OSBPL1A: variants seen among roughly 807,000 people sequenced by gnomAD.
The protein encoded by OSBPL1A is oxysterol binding protein like 1A, also known as oxysterol-binding protein-related protein 1.
OSBPL1A carries 80 observed loss-of-function variants against 137.1 expected under a neutral mutation model. The ratio of observed to expected loss-of-function variants is 0.58; its 90% CI spans 0.49 to 0.70. The LOEUF (loss-of-function observed/expected upper bound fraction) is 0.70, where lower values mean the gene tolerates loss of function less well. Ranked by LOEUF, OSBPL1A falls within the 30% of genes least tolerant of loss-of-function variation. OSBPL1A has a pLI of 0.00. For missense variants in OSBPL1A, 970 were observed against 1,129.4 expected, an observed-to-expected ratio of 0.86 and a Z score of 2.02; for synonymous variants, 365 against 389.7, an observed-to-expected ratio of 0.94 and a Z score of 0.75.
At chr18:24,373,664 T>A (rs1412201282) in intron 2 of OSBPL1A, among the ~76,000 whole-genome samples, 1 of 152,224 alleles carries the variant, frequency 6.6e-6, no homozygotes, top group African/African-American at 2.4e-5. Flanking sequence ...TGTTGACTGT[T>A]AACCTTTAAT....
chr18:24,323,271 G>C (rs2090900477), intron 7 of OSBPL1A, among the ~76,000 whole-genome samples: 1 of 151,964 alleles, frequency 6.6e-6, no homozygotes, highest in Non-Finnish European at 1.5e-5. Flanking sequence ...TACAAAAAGA[G>C]ACTGGGCACC....
intron 7 of OSBPL1A, among the ~76,000 whole-genome samples, chr18:24,322,437 GATTT>G (rs1190128679): frequency 6.6e-6 from 1 of 151,864 alleles, no homozygotes; most frequent in Non-Finnish European, 1.5e-5. Flanking sequence ...GTGGCTTTAA[GATTT>G]ATTTTGGAGG....
chr18:24,318,708 T>C (rs1335736426), intron 8 of OSBPL1A, 40 bp downstream of exon 8: 1 of 1,592,266 alleles, frequency 6.3e-7, no homozygotes, highest in Non-Finnish European at 8.5e-7. Context: ...AAAATTTTTT[T>C]CTAAAAATTA....
chr18:24,380,633 C>T (rs1906509792), intron 1 of OSBPL1A, among the ~76,000 whole-genome samples: 1 of 152,218 alleles, frequency 6.6e-6, no homozygotes, highest in African/African-American at 2.4e-5. Context: ...TCGCACAAGG[C>T]CTCGCTCAGT....
intron 4 of OSBPL1A, among the ~76,000 whole-genome samples, chr18:24,362,650 T>C (rs1568054250): frequency 6.6e-6 from 1 of 152,224 alleles, no homozygotes; most frequent in African/African-American, 2.4e-5. Context: ...TGGACTATGG[T>C]CAACAACTAG....
intron 16 of OSBPL1A, among the ~76,000 whole-genome samples, chr18:24,227,591 T>G (rs9675474): frequency 6.6e-6 from 1 of 151,944 alleles, no homozygotes; most frequent in African/African-American, 2.4e-5. Context: ...TTTTCTGGAG[T>G]AGGCACAGGG....
chr18:24,261,311 T>C (rs1052255750), intron 15 of OSBPL1A, among the ~76,000 whole-genome samples: 1 of 152,178 alleles, frequency 6.6e-6, no homozygotes, highest in Non-Finnish European at 1.5e-5. Context: ...TTGGAAGGAA[T>C]AGAAGTATTC....
intron 4 of OSBPL1A, among the ~76,000 whole-genome samples, chr18:24,344,157 A>G (rs981806137): frequency 1.3e-5 from 2 of 152,240 alleles, no homozygotes; most frequent in Admixed American, 6.5e-5. Flanking sequence ...CATTTCTCCA[A>G]AGAAGATGTA....
chr18:24,355,848 G>T (rs1344426361), intron 4 of OSBPL1A, among the ~76,000 whole-genome samples: 1 of 152,008 alleles, frequency 6.6e-6, no homozygotes, highest in Non-Finnish European at 1.5e-5. Flanking sequence ...AGCCAGGCAT[G>T]GTGGCATGCG....
intron 15 of OSBPL1A, among the ~76,000 whole-genome samples, chr18:24,257,951 T>A (rs1418591608): frequency 6.6e-6 from 1 of 152,182 alleles, no homozygotes; most frequent in Non-Finnish European, 1.5e-5. Flanking sequence ...TAAAATGGCT[T>A]ATCTCCAAAA....
At chr18:24,226,381 C>G (rs1335426942) in intron 16 of OSBPL1A, among the ~76,000 whole-genome samples, 1 of 152,204 alleles carries the variant, frequency 6.6e-6, no homozygotes, top group Non-Finnish European at 1.5e-5. Flanking sequence ...ACAGCAGTCA[C>G]TCAGTCTCCA....
rs2089717151 is a variant in OSBPL1A at position 24,271,512 on chromosome 18, A to C, written c.1281+9330T>G. On this transcript the variant is annotated intron_variant, in intron 15 of 27. Transcript: ENST00000319481. This position sits in a 1 kb window ranked among gnomAD's most constrained non-coding sequence, Gnocchi z 4.0. ...CACACGTCCAACTATTCTTGGATCTACTCACATCCCTGGATCAAGTCTGGC... is the reference window on the plus strand; with the variant it reads ...CACACGTCCAACTATTCTTGGATCTCCTCACATCCCTGGATCAAGTCTGGC... 1 of 963,636 alleles carries C rather than the reference A, an allele frequency of 1.0e-6. No individual in the cohort carries two copies. Among genetic ancestry groups the C allele is most frequent in the Admixed American group, 6.2e-5 (1 of 16,212 alleles). The allele number at this position is 963,636 out of a possible 1,614,324, so 59.7% of individuals were successfully genotyped here.
At position 24,333,045 on chromosome 18, in the gene OSBPL1A, C is replaced by T. The variant is rs774865911; in HGVS notation, c.522G>A (p.Gln174=). The change falls in exon 7 of 28, where the codon CAG becomes CAA. Residue 174 remains glutamine, a synonymous_variant. Coordinates refer to ENST00000319481, the MANE Select transcript of OSBPL1A (RefSeq NM_080597.4). The part of the protein sequence containing the change: ...PNPPDVNCSD[Q]LGNTPLHCAA... ...CACAATGCAAGGGTGTATTTCCTAA[C>T]TGATCCGAACAGTTAACATCAGGAG... The T allele has an allele frequency of 6.2e-7, 1 of 1,614,142 alleles. No individual in the cohort carries two copies. The highest frequency in any genetic ancestry group is 1.1e-5 in the South Asian group (1 of 91,080).
chr18:24,341,451 CCT>C (rs45565537), intron 5 of OSBPL1A, 94 bp downstream of exon 5: 60,648 of 774,782 alleles, frequency 0.078, 2,800 homozygotes, highest in Non-Finnish European at 0.098. Context: ...AGCTGGTTAT[CCT>C]CTGTTTTGTC....
At chr18:24,374,395 G>GA (rs1273603110) in intron 2 of OSBPL1A, among the ~76,000 whole-genome samples, 2 of 152,018 alleles carry the variant, frequency 1.3e-5, no homozygotes, top group South Asian at 2.1e-4. Flanking sequence ...AACTGTGGAA[G>GA]AAAAAAAGAC....
chr18:24,216,730 C>A (rs963993108), intron 17 of OSBPL1A, among the ~76,000 whole-genome samples: 57 of 151,948 alleles, frequency 3.8e-4, no homozygotes, highest in African/African-American at 1.3e-3. Flanking sequence ...ATTTTATTTA[C>A]CTGTTTTTGT....
chr18:24,375,322 A>C (rs1234084077), intron 2 of OSBPL1A, among the ~76,000 whole-genome samples: 1 of 149,726 alleles, frequency 6.7e-6, no homozygotes, highest in Non-Finnish European at 1.5e-5. Context: ...CTCAAAAAAA[A>C]AAAAAAAAAA....
chr18:24,292,695 A>T (rs1015073763), intron 14 of OSBPL1A, among the ~76,000 whole-genome samples: 1 of 152,198 alleles, frequency 6.6e-6, no homozygotes, highest in Non-Finnish European at 1.5e-5. Flanking sequence ...AAGTCTGATA[A>T]GTAACAAAAG....
chr18:24,177,984 A>C (rs770613038), intron 21 of OSBPL1A, 29 bp downstream of exon 21: 1 of 1,596,290 alleles, frequency 6.3e-7, no homozygotes, highest in African/African-American at 1.3e-5. Flanking sequence ...TCTACATGAA[A>C]AGAGTGTAAT....
Sources: gnomAD v4.1 joint callset for allele counts (sites outside exome capture counted in the v4.1 genomes callset) on GRCh38, gnomAD v4.1.1 for gene constraint, Gnocchi (gnomAD v3.1) non-coding constraint, MANE v1.5 for transcripts, NCBI Gene and HGNC (gene_info 2026-07-23, HGNC 2026-07-21) for gene names.